Variants in CSDC2 observed in about 807,000 individuals in gnomAD.
The protein encoded by CSDC2 is cold shock domain containing C2.
Under a neutral mutation model 15.8 loss-of-function variants are expected in CSDC2, and 8 were observed. That is an observed-to-expected ratio of 0.51 (90% confidence interval 0.30 to 0.92). CSDC2 has a LOEUF of 0.92. Among genes scored for constraint, CSDC2 ranks in the 40% least tolerant of loss-of-function variants. CSDC2 has a pLI of 0.07. For synonymous variants in CSDC2, 96 were observed against 92.3 expected (o/e 1.04, Z -0.23); for missense variants, 195 against 213.3 (o/e 0.91, Z 0.53).
intron 1 of CSDC2, among the ~76,000 whole-genome samples, chr22:41,563,954 G>T (rs2067100433): frequency 6.6e-6 from 1 of 151,176 alleles, no homozygotes; most frequent in African/African-American, 2.4e-5. Flanking sequence ...CGTGGTGGCG[G>T]GCACCTGTAT....
chr22:41,568,637 A>G (rs913438602), intron 1 of CSDC2, among the ~76,000 whole-genome samples: 2 of 152,192 alleles, frequency 1.3e-5, no homozygotes, highest in Non-Finnish European at 2.9e-5. Context: ...TGAGGCTGCA[A>G]TGGGCGACAG....
chr22:41,574,675 G>T, intron 3 of CSDC2, 58 bp from the exon 4 acceptor site: 1 of 1,586,822 alleles, frequency 6.3e-7, no homozygotes, highest in South Asian at 1.1e-5. Context: ...CCAGGCCACA[G>T]GATTGTCTGG....
In CSDC2 at chr22:41,575,062, C is replaced by T. The variant is rs2067168190; in HGVS notation, c.*167C>T. On this transcript the variant is annotated 3_prime_UTR_variant, in exon 4 of 4. Transcript: ENST00000306149. Reference sequence around the variant, plus strand: ...TTGTGGCTATGAGCGTGTGCCTCCACCCACCCCACGACCCGTGACTACTGT... The same window carrying T: ...TTGTGGCTATGAGCGTGTGCCTCCATCCACCCCACGACCCGTGACTACTGT... 2 of 833,238 alleles carry T rather than the reference C, an allele frequency of 2.4e-6. No individual in the cohort carries two copies. Among genetic ancestry groups the T allele is most frequent in the South Asian group, 3.6e-5 (2 of 56,318 alleles). 51.6% of individuals were successfully genotyped at this position (833,238 alleles called of 1,614,324 possible). A position where few individuals can be genotyped will look rare whatever the true frequency, so the allele number is the denominator to read the frequency against.
At position 41,573,706 on chromosome 22, in the gene CSDC2, C is replaced by G. The variant is rs770360814; in HGVS notation, c.228C>G (p.Phe76Leu). Residue 76 changes from phenylalanine to leucine, a missense_variant, in exon 3 of 4, where the codon TTC becomes TTG. Coordinates refer to ENST00000306149, the MANE Select transcript of CSDC2 (RefSeq NM_014460.4). ...GPVFKGVCKQ[F>L]SRSQGHGFIT... The stretch of plus-strand genomic sequence containing the variant: ...TGTTCAAGGGCGTCTGTAAGCAGTT[C>G]TCACGCTCACAGGGCCATGGCTTCA... 2 of 1,613,858 alleles carry G rather than the reference C, an allele frequency of 1.2e-6. No individual in the cohort carries two copies. The highest frequency in any genetic ancestry group is 8.5e-7 in the Non-Finnish European group (1 of 1,179,940).
intron 2 of CSDC2, among the ~76,000 whole-genome samples, chr22:41,572,953 G>A (rs1323212775): frequency 6.6e-6 from 1 of 152,170 alleles, no homozygotes; most frequent in Admixed American, 6.5e-5. Context: ...ATGGCTCACT[G>A]CAGCCTCAAC....
chr22:41,566,838 A>G (rs1221402541), intron 1 of CSDC2, among the ~76,000 whole-genome samples: 3 of 151,282 alleles, frequency 2.0e-5, no homozygotes, highest in Admixed American at 6.6e-5. Flanking sequence ...GAGGCAGGAG[A>G]AAGGCGTGAA....
chr22:41,575,245 G>A lies in CSDC2; in HGVS notation c.*350G>A. Reference sequence around the variant, plus strand: ...TGACTGAGCTGCGAGAGCCTGCGCTGGGCTCACTCCCTGGCCTCCGCCCCT... The same window carrying A: ...TGACTGAGCTGCGAGAGCCTGCGCTAGGCTCACTCCCTGGCCTCCGCCCCT... On this transcript the variant is annotated 3_prime_UTR_variant, in exon 4 of 4. Coordinates refer to ENST00000306149, the MANE Select transcript of CSDC2 (RefSeq NM_014460.4). The A allele has an allele frequency of 3.0e-6, 1 of 338,944 alleles. No individual in the cohort carries two copies. Among genetic ancestry groups the A allele is most frequent in the South Asian group, 3.4e-5 (1 of 29,060 alleles). 21.0% of individuals were successfully genotyped at this position (338,944 alleles called of 1,614,324 possible). A position where few individuals can be genotyped will look rare whatever the true frequency, so the allele number is the denominator to read the frequency against.
At chr22:41,568,223 C>T (rs1226776843) in intron 1 of CSDC2, among the ~76,000 whole-genome samples, 1 of 142,514 alleles carries the variant, frequency 7.0e-6, no homozygotes, top group Non-Finnish European at 1.5e-5. Context: ...CTCCTGGGCT[C>T]AAGCAGTCCT....
Position 41,563,866 on chromosome 22 carries a change from T to C in CSDC2, c.-124+2683T>C, listed in dbSNP as rs2067099783. On this transcript the variant is annotated intron_variant, in intron 1 of 3. Coordinates refer to ENST00000306149, the MANE Select transcript of CSDC2 (RefSeq NM_014460.4). ...GCGGGCGGATCACGAGGTCGGGAGATCGAGACCATCCTGGCTAACACGGTG... is the reference window on the plus strand; with the variant it reads ...GCGGGCGGATCACGAGGTCGGGAGACCGAGACCATCCTGGCTAACACGGTG... Among the ~76,000 whole-genome samples the C allele has an allele frequency of 2.7e-5, 4 of 149,094 alleles. No individual in the cohort carries two copies. In the South Asian group the frequency reaches 8.4e-4, roughly 31 times the overall value.
At chr22:41,562,047 G>A (rs1398881518) in intron 1 of CSDC2, among the ~76,000 whole-genome samples, 1 of 152,206 alleles carries the variant, frequency 6.6e-6, no homozygotes, top group East Asian at 1.9e-4. Flanking sequence ...AGAGGGGAGG[G>A]GGACACAGAG....
At chr22:41,574,168 G>A (rs565055785) in intron 3 of CSDC2, among the ~76,000 whole-genome samples, 2 of 152,372 alleles carry the variant, frequency 1.3e-5, no homozygotes, top group East Asian at 3.9e-4. Flanking sequence ...GGAGGTCACT[G>A]AGCTTCTCAG....
intron 1 of CSDC2, among the ~76,000 whole-genome samples, chr22:41,565,555 C>T (rs765803956): frequency 7.9e-5 from 12 of 151,964 alleles, no homozygotes; most frequent in Non-Finnish European, 1.5e-4. Context: ...GATGGTGCCA[C>T]TGCACTCCGG....
At chr22:41,562,498 C>T (rs2067092374) in intron 1 of CSDC2, among the ~76,000 whole-genome samples, 1 of 151,906 alleles carries the variant, frequency 6.6e-6, no homozygotes, top group African/African-American at 2.4e-5. Flanking sequence ...ATGGCTCTCC[C>T]AGGCTTGGAG....
chr22:41,572,831 C>T (rs146961484), intron 2 of CSDC2, among the ~76,000 whole-genome samples: 40 of 152,220 alleles, frequency 2.6e-4, no homozygotes, highest in Admixed American at 1.0e-3. Context: ...GGTAGGTCAC[C>T]GATGAGGTGG....
At chr22:41,564,158 C>T (rs145190175) in intron 1 of CSDC2, among the ~76,000 whole-genome samples, 292 of 151,154 alleles carry the variant, frequency 1.9e-3, no homozygotes, top group African/African-American at 6.9e-3. Flanking sequence ...CTTATGAGTA[C>T]GAAATGAAAA....
intron 1 of CSDC2, among the ~76,000 whole-genome samples, chr22:41,565,053 C>T (rs888988316): frequency 6.6e-6 from 1 of 152,132 alleles, no homozygotes; most frequent in South Asian, 2.1e-4. Flanking sequence ...GTGATCCCAG[C>T]TACTCGAGAG....
In CSDC2 at chr22:41,574,918, T is replaced by G. The variant is rs536860185; in HGVS notation, c.*23T>G. 2.2e-5 allele frequency: 35 copies of G among 1,563,074 alleles called. No homozygotes were observed. The African/African-American group carries it at 4.8e-4, about 21-fold the overall frequency. ...TAGGCTGAGTGGTTCACAGGCCAGC[T>G]GGCCGGGGGTTGGGGAGCCACACAG... On this transcript the variant is annotated 3_prime_UTR_variant, in exon 4 of 4. Transcript: ENST00000306149.
chr22:41,565,428 T>G, intron 1 of CSDC2, among the ~76,000 whole-genome samples: 1 of 132,296 alleles, frequency 7.6e-6, no homozygotes, highest in African/African-American at 3.0e-5. Context: ...CCAGCCTGGG[T>G]GACGGAGTAA....
rs1386680740 is a variant in CSDC2 at position 41,574,820 on chromosome 22, C to T, written c.387C>T (p.Ala129=). The change falls in exon 4 of 4, where the codon GCC becomes GCT. Residue 129 remains alanine (A), a synonymous_variant. Coordinates refer to ENST00000306149, the MANE Select transcript of CSDC2 (RefSeq NM_014460.4). ...CTCCCAAGAACCAGAAGTTCCAGGC[C>T]GTGGAGGTGGTGCTCACTCAGCTGG... ...PIPPKNQKFQ[A]VEVVLTQLAP... is the part of the protein sequence containing the mutation. 12 of 1,613,418 alleles carry T rather than the reference C, an allele frequency of 7.4e-6. No homozygotes were observed. The highest frequency in any genetic ancestry group is 1.7e-5 in the Admixed American group (1 of 59,954).
Sources: allele counts gnomAD v4.1 joint callset (sites outside exome capture counted in the v4.1 genomes callset), GRCh38; gene constraint gnomAD v4.1.1; transcripts MANE v1.5; gene names NCBI Gene and HGNC (gene_info 2026-07-23, HGNC 2026-07-21).